Variants in MBOAT2 observed in about 807,000 individuals in gnomAD.
MBOAT2 encodes membrane bound glycerophospholipid O-acyltransferase 2, also known as membrane-bound glycerophospholipid O-acyltransferase 2.
In MBOAT2, 28 loss-of-function variants were observed where a neutral mutation model predicts 63.4. The observed-to-expected ratio is 0.44, with a 90% confidence interval of 0.33 to 0.61. The LOEUF (loss-of-function observed/expected upper bound fraction) is 0.61. MBOAT2 is among the 20% of genes least tolerant of loss of function. MBOAT2 has a pLI of 0.03. For synonymous variants in MBOAT2, 211 were observed against 215.6 expected, an observed-to-expected ratio of 0.98 and a Z score of 0.19; for missense variants, 470 against 605.8, an observed-to-expected ratio of 0.78 and a Z score of 2.35.
intron 3 of MBOAT2, among the ~76,000 whole-genome samples, chr2:8,912,650 C>T (rs566922078): frequency 3.0e-4 from 45 of 152,158 alleles, no homozygotes; most frequent in South Asian, 4.2e-4. Flanking sequence ...GTCAAAAGAC[C>T]GCTACAAGGA....
rs61107364 is a variant in MBOAT2, at chr2:8,944,648, GACACAC to G, written c.222-1390_222-1385del. On this transcript the variant is annotated intron_variant, in intron 2 of 12. Transcript: ENST00000305997. Reference sequence around the variant, plus strand: ...AATAGGTCAGTCTATCTGTTTGACTGACACACACACACACACACACACACACACACA... The same window carrying G: ...AATAGGTCAGTCTATCTGTTTGACTGACACACACACACACACACACACACA... Among the ~76,000 whole-genome samples, 118 of 140,210 alleles carry G rather than the reference GACACAC, an allele frequency of 8.4e-4. No homozygotes were observed. The East Asian group carries it at 0.014, about 17-fold the overall frequency. 92.0% of individuals were successfully genotyped at this position (140,210 alleles called of 152,430 possible).
chr2:8,925,251 C>T (rs1182872135), intron 3 of MBOAT2, among the ~76,000 whole-genome samples: 1 of 152,164 alleles, frequency 6.6e-6, no homozygotes, highest in Non-Finnish European at 1.5e-5. Flanking sequence ...ATAAAGGGTG[C>T]TACTGTCCAG....
chr2:8,895,118 A>G (rs1226428569), intron 4 of MBOAT2, among the ~76,000 whole-genome samples: 4 of 152,268 alleles, frequency 2.6e-5, no homozygotes, highest in African/African-American at 4.8e-5. Context: ...GAGCAAAAGA[A>G]TAAAACTTCC....
intron 11 of MBOAT2, 81 bp from the exon 12 acceptor site, chr2:8,860,845 G>T: frequency 9.1e-7 from 1 of 1,104,834 alleles, no homozygotes; most frequent in Non-Finnish European, 1.3e-6. Flanking sequence ...ATCAACTGTT[G>T]GAAGGATGTG....
At chr2:8,873,919 G>T (rs1662524326) in intron 7 of MBOAT2, among the ~76,000 whole-genome samples, 1 of 152,130 alleles carries the variant, frequency 6.6e-6, no homozygotes, top group Admixed American at 6.5e-5. Context: ...ATGGTATTTT[G>T]TATTTTTACA....
intron 4 of MBOAT2, 118 bp from the exon 5 acceptor site, chr2:8,888,191 T>TA: frequency 2.2e-6 from 2 of 906,996 alleles, no homozygotes; most frequent in Non-Finnish European, 3.4e-6. Flanking sequence ...ATTTTTAACA[T>TA]AAAAAAGACC....
At chr2:8,967,365 A>G (rs1670067802) in intron 1 of MBOAT2, among the ~76,000 whole-genome samples, 1 of 152,210 alleles carries the variant, frequency 6.6e-6, no homozygotes, top group East Asian at 1.9e-4. Flanking sequence ...AAATAGACAC[A>G]AAAAATATGT....
At chr2:8,879,131 T>G (rs1662923738) in intron 6 of MBOAT2, among the ~76,000 whole-genome samples, 1 of 152,174 alleles carries the variant, frequency 6.6e-6, no homozygotes, top group Non-Finnish European at 1.5e-5. Context: ...TTTTAGGGCT[T>G]GAAACTGATG....
chr2:8,966,271 G>A (rs556332526), intron 1 of MBOAT2, among the ~76,000 whole-genome samples: 17 of 152,286 alleles, frequency 1.1e-4, no homozygotes, highest in Non-Finnish European at 1.8e-4. Context: ...ATGTGGCTAT[G>A]AGCACTTATA....
intron 1 of MBOAT2, among the ~76,000 whole-genome samples, chr2:8,970,067 A>G (rs979336591): frequency 5.9e-5 from 9 of 152,352 alleles, no homozygotes; most frequent in African/African-American, 2.2e-4. Context: ...AAGAATATAC[A>G]TTCTTCTCAG....
intron 7 of MBOAT2, among the ~76,000 whole-genome samples, chr2:8,873,895 C>T (rs1020615814): frequency 2.0e-5 from 3 of 152,116 alleles, no homozygotes; most frequent in East Asian, 1.9e-4. Context: ...GCGGTAAGGT[C>T]GCATCACCAA....
At chr2:8,923,445 T>C (rs1666724019) in intron 3 of MBOAT2, among the ~76,000 whole-genome samples, 1 of 152,188 alleles carries the variant, frequency 6.6e-6, no homozygotes, top group South Asian at 2.1e-4. Flanking sequence ...TAGACACCCC[T>C]ATGAGTTCAT....
At chr2:8,972,589 G>C (rs1224747797) in intron 1 of MBOAT2, among the ~76,000 whole-genome samples, 1 of 152,156 alleles carries the variant, frequency 6.6e-6, no homozygotes, top group Non-Finnish European at 1.5e-5. Context: ...GCAACCTACA[G>C]GATGGGAGAA....
intron 4 of MBOAT2, among the ~76,000 whole-genome samples, chr2:8,904,949 TTATC>T (rs1223108897): frequency 2.0e-5 from 3 of 152,166 alleles, no homozygotes; most frequent in Non-Finnish European, 2.9e-5. Flanking sequence ...AAGTTTATCT[TTATC>T]TAATCAACAT....
At chr2:8,906,579 G>T (rs965037495) in intron 4 of MBOAT2, among the ~76,000 whole-genome samples, 5 of 152,322 alleles carry the variant, frequency 3.3e-5, no homozygotes, top group Middle Eastern at 3.4e-3. Flanking sequence ...TTATTACGTT[G>T]AGCCACTGAA....
At chr2:8,909,026 C>T (rs1665522900) in intron 3 of MBOAT2, among the ~76,000 whole-genome samples, 1 of 152,072 alleles carries the variant, frequency 6.6e-6, no homozygotes, top group Non-Finnish European at 1.5e-5. Flanking sequence ...TCCATTTATT[C>T]CTCCTTTCTA....
chr2:8,922,215 CTTTTT>C (rs1238765600), intron 3 of MBOAT2, among the ~76,000 whole-genome samples: 1 of 152,020 alleles, frequency 6.6e-6, no homozygotes, highest in African/African-American at 2.4e-5. Context: ...TCATTTGTTT[CTTTTT>C]CAAAGTTTCC....
At chr2:8,877,570 C>T (rs1448394296) in intron 6 of MBOAT2, among the ~76,000 whole-genome samples, 1 of 152,198 alleles carries the variant, frequency 6.6e-6, no homozygotes, top group Non-Finnish European at 1.5e-5. Context: ...GCTGCAGGGC[C>T]TGGATACGGC....
intron 1 of MBOAT2, among the ~76,000 whole-genome samples, chr2:8,975,348 G>A (rs573608127): frequency 5.3e-5 from 8 of 151,992 alleles, no homozygotes; most frequent in Admixed American, 1.3e-4. Flanking sequence ...ATATTAAACC[G>A]TCACTCACTG....
Sources: allele counts gnomAD v4.1 joint callset (sites outside exome capture counted in the v4.1 genomes callset), GRCh38; gene constraint gnomAD v4.1.1; transcripts MANE v1.5; gene names NCBI Gene and HGNC (gene_info 2026-07-23, HGNC 2026-07-21).